HSF1: variants seen among roughly 807,000 people sequenced by gnomAD.
The protein encoded by HSF1 is heat shock factor protein 1.
Under a neutral mutation model 51.7 loss-of-function variants are expected in HSF1, and 32 were observed. The observed-to-expected ratio is 0.62, with a 90% CI of 0.47 to 0.83. HSF1 has a LOEUF of 0.83. HSF1 is among the 40% of genes least tolerant of loss of function. The probability of loss-of-function intolerance (pLI) is 0.00; values close to 1 mark genes in which losing one functional copy is unlikely to be tolerated. For missense variants in HSF1, 727 were observed against 717.0 expected (o/e 1.01, Z -0.16); for synonymous variants, 396 against 309.7 (o/e 1.28, Z -2.92).
At position 144,309,095 on chromosome 8, in the gene HSF1, T is replaced by C; in HGVS notation, c.226+81T>C. 5 of 1,136,456 alleles carry C rather than the reference T, an allele frequency of 4.4e-6. No individual in the cohort carries two copies. The South Asian group carries it at 6.2e-5, about 14-fold the overall frequency. 70.4% of individuals were successfully genotyped at this position (1,136,456 alleles called of 1,614,324 possible). On this transcript the variant is annotated intron_variant, in intron 2 of 12. Coordinates refer to ENST00000528838, the MANE Select transcript of HSF1 (RefSeq NM_005526.4). ...GGACCCCAGCAGGAGGACCCTGTGATGAAGGACGGGGCGTCCTGTGCTGGC... is the reference window on the plus strand; with the variant it reads ...GGACCCCAGCAGGAGGACCCTGTGACGAAGGACGGGGCGTCCTGTGCTGGC...
At chr8:144,307,479 C>A (rs990815451) in intron 1 of HSF1, among the ~76,000 whole-genome samples, 1 of 152,376 alleles carries the variant, frequency 6.6e-6, no homozygotes, top group Non-Finnish European at 1.5e-5. Context: ...GAGGCTCACG[C>A]CTGTAATCCC....
intron 1 of HSF1, among the ~76,000 whole-genome samples, chr8:144,301,731 G>T (rs1815887724): frequency 6.6e-6 from 1 of 151,960 alleles, no homozygotes; most frequent in Admixed American, 6.6e-5. Flanking sequence ...CGGGCGTGGT[G>T]GCGGGTGCCT....
rs557589501 is a variant in HSF1, at chr8:144,305,493, G to C, written c.118-3413G>C. ...TTTTTTTGTATTTTTAGTAGAGATG[G>C]GGTTTGACCATGTTGGCCAGGATGG... On this transcript the variant is annotated intron_variant, in intron 1 of 12. Coordinates refer to ENST00000528838, the MANE Select transcript of HSF1 (RefSeq NM_005526.4). 3.9e-5 allele frequency among the ~76,000 whole-genome samples: 6 copies of C among 152,064 alleles called. No individual in the cohort carries two copies. The East Asian group carries it at 1.2e-3, about 30-fold the overall frequency.
intron 5 of HSF1, 23 bp from the exon 6 acceptor site, chr8:144,311,298 A>G: frequency 6.2e-7 from 1 of 1,613,646 alleles, no homozygotes; most frequent in Non-Finnish European, 8.5e-7. Flanking sequence ...GGGCCGGGGT[A>G]ACTGTGTCCT....
In HSF1 at chr8:144,302,958, A is replaced by G. The variant is rs552754237; in HGVS notation, c.118-5948A>G. 4.1e-4 allele frequency among the ~76,000 whole-genome samples: 62 copies of G among 152,238 alleles called. No homozygotes were observed. The East Asian group carries it at 0.012, about 29-fold the overall frequency. On this transcript the variant is annotated intron_variant, in intron 1 of 12. Coordinates refer to ENST00000528838, the MANE Select transcript of HSF1 (RefSeq NM_005526.4). ...GAATGCACACGAAAACCGCAGCGAC[A>G]GCGACTAGAACAGCCAGGTGCTGAG... is the stretch of plus-strand genomic sequence containing the variant.
chr8:144,298,338 T>C (rs547607861), intron 1 of HSF1, among the ~76,000 whole-genome samples: 2 of 152,166 alleles, frequency 1.3e-5, no homozygotes, highest in Admixed American at 6.5e-5. Context: ...GGCTCACGGC[T>C]GTAATCCCAG....
At chr8:144,310,283 C>T (rs1371681657) in intron 4 of HSF1, 1 of 184,566 alleles carries the variant, frequency 5.4e-6, no homozygotes, top group South Asian at 1.3e-4. Context: ...TTCCTGGAAC[C>T]GCTGTCCCAC....
intron 10 of HSF1, 65 bp from the exon 11 acceptor site, chr8:144,313,775 GCCCCGC>G (rs1588671938): frequency 0.072 from 696 of 9,688 alleles, 259 homozygotes; most frequent in Middle Eastern, 0.2. Flanking sequence ...CCGCCTCCCC[GCCCCGC>G]CTCCCCGCCC....
At chr8:144,310,109 T>A in intron 4 of HSF1, 1 of 586,058 alleles carries the variant, frequency 1.7e-6, no homozygotes, top group South Asian at 2.2e-5. Context: ...CAGAAGGGGG[T>A]TGGGAGGGTC....
At chr8:144,293,011 G>A (rs1337102464) in intron 1 of HSF1, among the ~76,000 whole-genome samples, 4 of 152,174 alleles carry the variant, frequency 2.6e-5, no homozygotes, top group African/African-American at 4.8e-5. Context: ...TGGAGGCACC[G>A]TGACCGGCAG....
At chr8:144,312,681 C>T (rs1554845229) in intron 9 of HSF1, 4 of 1,535,566 alleles carry the variant, frequency 2.6e-6, no homozygotes, top group East Asian at 4.9e-5. Context: ...CCCTGCCCCT[C>T]TTCCTCTCCG....
chr8:144,291,757 G>T lies in HSF1; in HGVS notation c.-1G>T. On this transcript the variant is annotated 5_prime_UTR_variant, in exon 1 of 13. Coordinates refer to ENST00000528838, the MANE Select transcript of HSF1 (RefSeq NM_005526.4). This position sits in a 1 kb window ranked among gnomAD's most constrained non-coding sequence, Gnocchi z 4.1. ...CTCCGCCTATTCCCTCCTTGCTCGA[G>T]ATGGATCTGCCCGTGGGCCCCGGCG... 6.6e-7 allele frequency: 1 copy of T among 1,506,380 alleles called. No individual in the cohort carries two copies. Among genetic ancestry groups the T allele is most frequent in the Non-Finnish European group, 8.9e-7 (1 of 1,126,342 alleles). The allele number at this position is 1,506,380 out of a possible 1,614,324, so 93.3% of individuals were successfully genotyped here. A position where few individuals can be genotyped will look rare whatever the true frequency, so the allele number is the denominator to read the frequency against.
chr8:144,291,963 C>A lies in HSF1; in HGVS notation c.117+89C>A. 1 of 625,628 alleles carries A rather than the reference C, an allele frequency of 1.6e-6. No homozygotes were observed. 38.8% of individuals were successfully genotyped at this position (625,628 alleles called of 1,614,324 possible). On this transcript the variant is annotated intron_variant, in intron 1 of 12. Transcript: ENST00000528838. The surrounding 1 kb of genome is among the most constrained non-coding windows in gnomAD (Gnocchi z 4.1). ...GCGCGGGAGGGCTGCGGGGAGGGGC[C>A]CTGCCGCACTTCAGCTTACGCGCGG...
chr8:144,309,299 C>G, intron 2 of HSF1, 156 bp from the exon 3 acceptor site: 1 of 1,025,192 alleles, frequency 9.8e-7, no homozygotes. Context: ...CTCCCTTAGA[C>G]CAAGGCCACT....
intron 1 of HSF1, among the ~76,000 whole-genome samples, chr8:144,294,442 G>C (rs1340543097): frequency 2.0e-5 from 3 of 152,128 alleles, no homozygotes; most frequent in African/African-American, 7.2e-5. Context: ...TCTCCTTCTG[G>C]CTCAGAGTCT....
rs146718106 is a variant in HSF1 at position 144,311,580 on chromosome 8, C to G, written c.702C>G (p.Val234=). Residue 234 remains valine (V), a synonymous_variant, in exon 7 of 13, where the codon GTC becomes GTG. Coordinates refer to ENST00000528838, the MANE Select transcript of HSF1 (RefSeq NM_005526.4). ...KYSRQFSLEH[V]HGSGPYSAPS... ...GCCGGCAGTTCTCCCTGGAGCACGT[C>G]CACGGCTCGGGCCCCTACTCGGTGA... The G allele has an allele frequency of 4.3e-6, 7 of 1,613,632 alleles. No individual in the cohort carries two copies. The highest frequency in any genetic ancestry group is 5.1e-6 in the Non-Finnish European group (6 of 1,179,976).
intron 1 of HSF1, among the ~76,000 whole-genome samples, chr8:144,296,442 G>A (rs1360311597): frequency 6.6e-6 from 1 of 152,212 alleles, no homozygotes; most frequent in Non-Finnish European, 1.5e-5. Flanking sequence ...GAGAAGTGCT[G>A]CAGGGTCTGG....
chr8:144,295,743 G>A (rs1317408781), intron 1 of HSF1, among the ~76,000 whole-genome samples: 2 of 144,752 alleles, frequency 1.4e-5, no homozygotes, highest in African/African-American at 2.6e-5. Flanking sequence ...TAAGGTTTTA[G>A]TAGAGACAGG....
In HSF1 at chr8:144,297,936, C is replaced by G. The variant is rs1815579009; in HGVS notation, c.117+6062C>G. Among the ~76,000 whole-genome samples the G allele has an allele frequency of 6.6e-6, 1 of 152,232 alleles. No homozygotes were observed. Among genetic ancestry groups the G allele is most frequent in the East Asian group, 1.9e-4 (1 of 5,202 alleles). ...TACAGGCAGGATCTCACACACATTT[C>G]AGGTCCTTCACAGTGCTGCAGAAAA... On this transcript the variant is annotated intron_variant, in intron 1 of 12. Coordinates refer to ENST00000528838, the MANE Select transcript of HSF1 (RefSeq NM_005526.4). The surrounding 1 kb of genome is among the most constrained non-coding windows in gnomAD (Gnocchi z 4.6).
Sources: allele counts gnomAD v4.1 joint callset (sites outside exome capture counted in the v4.1 genomes callset), GRCh38; gene constraint gnomAD v4.1.1; non-coding constraint Gnocchi (gnomAD v3.1); transcripts MANE v1.5; gene names NCBI Gene and HGNC (gene_info 2026-07-23, HGNC 2026-07-21).